BLMH: variants seen among roughly 807,000 people sequenced by gnomAD.
The protein encoded by BLMH is bleomycin hydrolase, also known as BLM hydrolase.
Under a neutral mutation model 61.6 loss-of-function variants are expected in BLMH, and 32 were observed. The observed-to-expected ratio is 0.52, with a 90% CI of 0.39 to 0.70. The LOEUF is 0.70. Among genes scored for constraint, BLMH ranks in the 30% least tolerant of loss-of-function variants. BLMH has a pLI of 0.00. For missense variants in BLMH, 460 were observed against 555.5 expected (o/e 0.83, Z 1.73); for synonymous variants, 183 against 193.8 (o/e 0.94, Z 0.46).
At chr17:30,277,221 C>T (rs1479027915) in intron 6 of BLMH, among the ~76,000 whole-genome samples, 1 of 152,174 alleles carries the variant, frequency 6.6e-6, no homozygotes, top group African/African-American at 2.4e-5. Context: ...TTATATCCTT[C>T]CCAAGTTGGT....
chr17:30,285,357 G>T, intron 6 of BLMH, 31 bp downstream of exon 6: 1 of 1,470,884 alleles, frequency 6.8e-7, no homozygotes, highest in Non-Finnish European at 9.5e-7. Context: ...TCCTTAGAGG[G>T]GTCACAAAAA....
At chr17:30,287,401 C>T (rs1462986789) in intron 4 of BLMH, among the ~76,000 whole-genome samples, 3 of 152,172 alleles carry the variant, frequency 2.0e-5, no homozygotes, top group Non-Finnish European at 4.4e-5. Context: ...CACTTCTCAG[C>T]CTTTTGGTCA....
chr17:30,289,843 T>C (rs970216347), intron 2 of BLMH, among the ~76,000 whole-genome samples: 2 of 152,152 alleles, frequency 1.3e-5, no homozygotes, highest in African/African-American at 2.4e-5. Context: ...TGAGGGAAAA[T>C]TCTGAGGGAA....
intron 10 of BLMH, among the ~76,000 whole-genome samples, chr17:30,268,774 T>C (rs1415574978): frequency 6.6e-6 from 1 of 151,446 alleles, no homozygotes; most frequent in Non-Finnish European, 1.5e-5. Context: ...CAGTGGCTCA[T>C]GCCTGTAATC....
chr17:30,279,093 A>G (rs958171390), intron 6 of BLMH, among the ~76,000 whole-genome samples: 1 of 152,384 alleles, frequency 6.6e-6, no homozygotes, highest in East Asian at 1.9e-4. Context: ...ACACGGCTCA[A>G]TGACACCTGG....
intron 11 of BLMH, among the ~76,000 whole-genome samples, chr17:30,265,162 G>C (rs1286418207): frequency 2.6e-5 from 4 of 152,152 alleles, no homozygotes; most frequent in Non-Finnish European, 5.9e-5. Context: ...TATAAACACT[G>C]GGCTGCTGAG....
intron 11 of BLMH, among the ~76,000 whole-genome samples, chr17:30,257,541 CT>C (rs1228029750): frequency 6.6e-6 from 1 of 152,074 alleles, no homozygotes; most frequent in Non-Finnish European, 1.5e-5. Flanking sequence ...AAACAAAATT[CT>C]TTTTCATATA....
At chr17:30,291,016 C>A in intron 2 of BLMH, 1 of 375,516 alleles carries the variant, frequency 2.7e-6, no homozygotes. Flanking sequence ...CATACATCTC[C>A]AAGACACGGG....
At chr17:30,278,086 TAGTTAATTAAA>T (rs1159742589) in intron 6 of BLMH, among the ~76,000 whole-genome samples, 2 of 152,098 alleles carry the variant, frequency 1.3e-5, no homozygotes, top group African/African-American at 4.8e-5. Context: ...CAAATAACAA[TAGTTAATTAAA>T]TAAGCTCTCA....
chr17:30,257,157 C>T (rs888727621), intron 11 of BLMH, among the ~76,000 whole-genome samples: 45 of 152,282 alleles, frequency 3.0e-4, no homozygotes, highest in African/African-American at 8.9e-4. Context: ...CGGCACTTAC[C>T]GTGTGCCAGG....
intron 11 of BLMH, among the ~76,000 whole-genome samples, chr17:30,251,539 C>T (rs1406922797): frequency 1.3e-5 from 2 of 152,264 alleles, no homozygotes; most frequent in Non-Finnish European, 2.9e-5. Context: ...ATAGTAAACA[C>T]TGGAGCCATT....
At chr17:30,263,138 A>T (rs1450641281) in intron 11 of BLMH, among the ~76,000 whole-genome samples, 1 of 152,190 alleles carries the variant, frequency 6.6e-6, no homozygotes, top group Non-Finnish European at 1.5e-5. Flanking sequence ...TGCTACTAGA[A>T]CAGGGAAGGT....
At chr17:30,288,027 T>C in intron 3 of BLMH, 80 bp from the exon 4 acceptor site, 1 of 1,365,166 alleles carries the variant, frequency 7.3e-7, no homozygotes, top group South Asian at 1.3e-5. Flanking sequence ...AGAATGGGAG[T>C]CTTGGAATTA....
At chr17:30,291,279 A>G in intron 2 of BLMH, 32 bp downstream of exon 2, 1 of 1,595,050 alleles carries the variant, frequency 6.3e-7, no homozygotes, top group Non-Finnish European at 8.5e-7. Context: ...CAGGAAGGTC[A>G]AGGAACGTAT....
Position 30,254,046 on chromosome 17 carries a change from C to T in BLMH, c.1217-4878G>A, listed in dbSNP as rs537778646. Among the ~76,000 whole-genome samples the T allele has an allele frequency of 1.2e-4, 18 of 152,186 alleles. No homozygotes were observed. In the South Asian group the frequency reaches 3.5e-3, roughly 30 times the overall value. ...AGTTTAAGGGAAAAAAGACGCTTTA[C>T]CTAAGAAAACTTTTTTTTCTGAAAT... On this transcript the variant is annotated intron_variant, in intron 11 of 11. Transcript: ENST00000261714.
intron 11 of BLMH, among the ~76,000 whole-genome samples, chr17:30,262,013 T>C (rs896411172): frequency 2.6e-5 from 4 of 152,348 alleles, no homozygotes; most frequent in South Asian, 2.1e-4. Flanking sequence ...CAAATGTTCA[T>C]GTATCTGAAA....
chr17:30,279,693 T>C (rs773768113), intron 6 of BLMH, among the ~76,000 whole-genome samples: 2 of 152,124 alleles, frequency 1.3e-5, no homozygotes, highest in Non-Finnish European at 2.9e-5. Flanking sequence ...TCCCAGCATG[T>C]TGGGAGGCTG....
At position 30,275,798 on chromosome 17, in the gene BLMH, A is replaced by G. The variant is rs563903912; in HGVS notation, c.646-1601T>C. The stretch of plus-strand genomic sequence containing the variant: ...CAAATGTCCTTGTCTTTTTAAAAAC[A>G]TAACACTATGATCTGCCTGTCCCTT... On this transcript the variant is annotated intron_variant, in intron 6 of 11. Transcript: ENST00000261714. 9.8e-5 allele frequency among the ~76,000 whole-genome samples: 15 copies of G among 152,316 alleles called. No homozygotes were observed. In the East Asian group the frequency reaches 2.7e-3, roughly 27 times the overall value.
At chr17:30,260,164 G>A (rs538473204) in intron 11 of BLMH, among the ~76,000 whole-genome samples, 4 of 152,232 alleles carry the variant, frequency 2.6e-5, no homozygotes, top group African/African-American at 7.2e-5. Context: ...GGCTCAGACA[G>A]GTTAAATGCC....
Sources: gnomAD v4.1 joint callset for allele counts (sites outside exome capture counted in the v4.1 genomes callset) on GRCh38, gnomAD v4.1.1 for gene constraint, MANE v1.5 for transcripts, NCBI Gene and HGNC (gene_info 2026-07-23, HGNC 2026-07-21) for gene names.